MYO5B: variants seen among roughly 807,000 people sequenced by gnomAD.
MYO5B encodes unconventional myosin-Vb.
Under a neutral mutation model 229.3 loss-of-function variants are expected in MYO5B, and 143 were observed. The ratio of observed to expected loss-of-function variants is 0.62; its 90% CI spans 0.54 to 0.72. The LOEUF (loss-of-function observed/expected upper bound fraction) is 0.72, where lower values mean the gene tolerates loss of function less well. Among genes scored for constraint, MYO5B ranks in the 30% least tolerant of loss-of-function variants. MYO5B has a pLI of 0.00. For synonymous variants in MYO5B, 918 were observed against 885.2 expected, an observed-to-expected ratio of 1.04 and a Z score of -0.66; for missense variants, 2,321 against 2,331.0, an observed-to-expected ratio of 1.00 and a Z score of 0.09.
intron 1 of MYO5B, among the ~76,000 whole-genome samples, chr18:50,074,986 G>C (rs1259797896): frequency 6.6e-6 from 1 of 152,066 alleles, no homozygotes; most frequent in Non-Finnish European, 1.5e-5. Context: ...ACCCTGTAGA[G>C]ACAGGGTTTC....
At chr18:50,156,488 C>A (rs916443509) in intron 1 of MYO5B, among the ~76,000 whole-genome samples, 11 of 152,184 alleles carry the variant, frequency 7.2e-5, no homozygotes, top group African/African-American at 2.7e-4. Flanking sequence ...CTCCTTCCTG[C>A]CATTATGTGA....
chr18:50,031,100 C>T (rs2026383804), intron 4 of MYO5B, among the ~76,000 whole-genome samples: 1 of 152,010 alleles, frequency 6.6e-6, no homozygotes, highest in African/African-American at 2.4e-5. Context: ...TGGGGCTGAG[C>T]AGACAAAATT....
chr18:50,009,570 T>C (rs1262336690), intron 4 of MYO5B, among the ~76,000 whole-genome samples: 1 of 151,946 alleles, frequency 6.6e-6, no homozygotes, highest in African/African-American at 2.4e-5. Flanking sequence ...AACGAAAGGT[T>C]ATGTGGGGAG....
chr18:49,856,635 G>A (rs1426536400), intron 30 of MYO5B, among the ~76,000 whole-genome samples, 178 bp downstream of exon 30: 2 of 152,180 alleles, frequency 1.3e-5, no homozygotes, highest in African/African-American at 4.8e-5. Context: ...GCCACCCTCA[G>A]CCATATCTGT....
At chr18:49,885,735 G>A (rs2915244) in intron 22 of MYO5B, among the ~76,000 whole-genome samples, 87,971 of 151,614 alleles carry the variant, frequency 0.58, 25,654 homozygotes, top group Middle Eastern at 0.67. Context: ...ACACACTGGA[G>A]CTAAGGATTG....
chr18:50,090,583 T>C (rs963254427), intron 1 of MYO5B, among the ~76,000 whole-genome samples: 2 of 152,212 alleles, frequency 1.3e-5, no homozygotes, highest in Admixed American at 6.5e-5. Flanking sequence ...CCACCTCGCC[T>C]TTCTGCTCCT....
intron 5 of MYO5B, among the ~76,000 whole-genome samples, chr18:49,996,304 T>C (rs2025986475): frequency 6.6e-6 from 1 of 152,114 alleles, no homozygotes; most frequent in African/African-American, 2.4e-5. Context: ...ACCTAACAAA[T>C]CAGCAATTCT....
At chr18:49,831,265 T>C (rs557600752) in intron 39 of MYO5B, among the ~76,000 whole-genome samples, 5 of 152,110 alleles carry the variant, frequency 3.3e-5, no homozygotes, top group Admixed American at 6.5e-5. Context: ...AAAATATACA[T>C]AGATTGGACA....
intron 1 of MYO5B, among the ~76,000 whole-genome samples, chr18:50,147,046 T>C (rs991275909): frequency 7.2e-5 from 11 of 152,208 alleles, no homozygotes; most frequent in Non-Finnish European, 1.0e-4. Flanking sequence ...TCTTGTCTCC[T>C]TACAGACAGT....
intron 4 of MYO5B, among the ~76,000 whole-genome samples, chr18:50,006,178 G>A (rs2026099011): frequency 1.3e-5 from 2 of 152,168 alleles, no homozygotes; most frequent in African/African-American, 4.8e-5. Context: ...GTAGGGGTAG[G>A]GAAAAGCTTA....
chr18:50,116,358 A>G (rs1274340945), intron 1 of MYO5B, among the ~76,000 whole-genome samples: 3 of 152,196 alleles, frequency 2.0e-5, no homozygotes, highest in Non-Finnish European at 4.4e-5. Context: ...CTTCACTGTT[A>G]CTAAATGAAC....
intron 21 of MYO5B, 49 bp downstream of exon 21, chr18:49,902,545 T>A: frequency 6.2e-7 from 1 of 1,602,240 alleles, no homozygotes; most frequent in Non-Finnish European, 8.5e-7. Context: ...CTCAAAATGC[T>A]CCAGTACCCA....
intron 1 of MYO5B, among the ~76,000 whole-genome samples, chr18:50,183,977 G>C (rs1385827406): frequency 2.0e-5 from 3 of 152,148 alleles, no homozygotes; most frequent in Non-Finnish European, 1.5e-5. Context: ...ATGACATCAG[G>C]ACAGCCTTGC....
At position 49,933,301 on chromosome 18, in the gene MYO5B, C is replaced by T. The variant is rs565576824; in HGVS notation, c.2003+2951G>A. ...GCCACTGCTGCTCTGGATACTTCATCTCTCTCTTGCCTCTGCCCTGTCAGC... is the reference window on the plus strand; with the variant it reads ...GCCACTGCTGCTCTGGATACTTCATTTCTCTCTTGCCTCTGCCCTGTCAGC... On this transcript the variant is annotated intron_variant, in intron 16 of 39. Coordinates refer to ENST00000285039, the MANE Select transcript of MYO5B (RefSeq NM_001080467.3). Among the ~76,000 whole-genome samples, 38 of 152,334 alleles carry T rather than the reference C, an allele frequency of 2.5e-4. No homozygotes were observed. The Middle Eastern group carries it at 0.01, about 41-fold the overall frequency.
intron 22 of MYO5B, among the ~76,000 whole-genome samples, chr18:49,886,148 C>T (rs958887774): frequency 2.6e-5 from 4 of 152,126 alleles, no homozygotes; most frequent in African/African-American, 9.7e-5. Flanking sequence ...CCATGTTGGC[C>T]AGGTTGGTCT....
At chr18:49,893,176 G>A (rs1422049503) in intron 22 of MYO5B, among the ~76,000 whole-genome samples, 2 of 152,196 alleles carry the variant, frequency 1.3e-5, no homozygotes, top group African/African-American at 4.8e-5. Flanking sequence ...CTGGGAAGCT[G>A]ATGAGTCAAG....
chr18:49,949,146 T>C (rs1314680558), intron 14 of MYO5B, among the ~76,000 whole-genome samples: 2 of 152,140 alleles, frequency 1.3e-5, no homozygotes, highest in African/African-American at 2.4e-5. Flanking sequence ...TACTGCCCAG[T>C]ACACCCTCAC....
chr18:50,052,737 G>A (rs1456067299), intron 2 of MYO5B, among the ~76,000 whole-genome samples: 4 of 151,274 alleles, frequency 2.6e-5, no homozygotes, highest in Admixed American at 6.6e-5. Flanking sequence ...TAAATTTTAT[G>A]CTACATATAT....
At chr18:50,056,315 T>C (rs2030548518) in intron 1 of MYO5B, among the ~76,000 whole-genome samples, 1 of 152,142 alleles carries the variant, frequency 6.6e-6, no homozygotes, top group Admixed American at 6.5e-5. Flanking sequence ...AAAATATCAA[T>C]TCTTGGCTGT....
Sources: allele counts gnomAD v4.1 joint callset (sites outside exome capture counted in the v4.1 genomes callset), GRCh38; gene constraint gnomAD v4.1.1; transcripts MANE v1.5; gene names NCBI Gene and HGNC (gene_info 2026-07-23, HGNC 2026-07-21).